UEVLD: variants seen among roughly 807,000 people sequenced by gnomAD.
The protein encoded by UEVLD is UEV and lactate/malate dehyrogenase domains.
In UEVLD, 47 loss-of-function variants were observed where a neutral mutation model predicts 58.6. That is an observed-to-expected ratio of 0.80 (90% CI 0.63 to 1.02). UEVLD has a LOEUF of 1.02. Ranked by LOEUF, UEVLD falls within the 50% of genes least tolerant of loss-of-function variation. UEVLD has a pLI of 0.00. For synonymous variants in UEVLD, 197 were observed against 195.3 expected (o/e 1.01, Z -0.07); for missense variants, 510 against 550.6 (o/e 0.93, Z 0.74).
chr11:18,573,708 T>C (rs1852749982), intron 3 of UEVLD, among the ~76,000 whole-genome samples: 1 of 152,046 alleles, frequency 6.6e-6, no homozygotes, highest in Non-Finnish European at 1.5e-5. Flanking sequence ...TGGTGGGACA[T>C]ACACAGAAGC....
intron 1 of UEVLD, among the ~76,000 whole-genome samples, chr11:18,585,534 A>G (rs1021740062): frequency 6.6e-5 from 10 of 152,264 alleles, no homozygotes; most frequent in African/African-American, 2.4e-4. Flanking sequence ...TTCACTGGTT[A>G]GTCTATTCCA....
chr11:18,570,427 A>AT (rs775082742), intron 3 of UEVLD, 50 bp from the exon 4 acceptor site: 7 of 1,454,682 alleles, frequency 4.8e-6, no homozygotes, highest in Admixed American at 5.4e-5. Flanking sequence ...AAGCACACAC[A>AT]TTATGATATA....
chr11:18,540,024 T>C (rs1850988575), intron 9 of UEVLD, among the ~76,000 whole-genome samples: 2 of 152,248 alleles, frequency 1.3e-5, no homozygotes, highest in South Asian at 2.1e-4. Flanking sequence ...TTTCTATTCA[T>C]CACCATCTTG....
chr11:18,554,790 T>C (rs1851687981), intron 7 of UEVLD, among the ~76,000 whole-genome samples: 1 of 149,978 alleles, frequency 6.7e-6, no homozygotes, highest in Non-Finnish European at 1.5e-5. Context: ...TTCATGCTCA[T>C]ATGTATATAT....
At chr11:18,555,468 G>A (rs1851718779) in intron 7 of UEVLD, among the ~76,000 whole-genome samples, 1 of 151,654 alleles carries the variant, frequency 6.6e-6, no homozygotes, top group Non-Finnish European at 1.5e-5. Context: ...CATGCCTGTG[G>A]TCCCAGCTAC....
In UEVLD at chr11:18,535,754, C is replaced by T. The variant is rs576498599; in HGVS notation, c.1124+652G>A. ...GCCTGAACATATAATATGGCTTATCCATTCATATTAGACTGATTTCCAGTT... is the reference window on the plus strand; with the variant it reads ...GCCTGAACATATAATATGGCTTATCTATTCATATTAGACTGATTTCCAGTT... On this transcript the variant is annotated intron_variant, in intron 10 of 11. Transcript: ENST00000396197. Among the ~76,000 whole-genome samples the T allele has an allele frequency of 4.6e-5, 7 of 152,184 alleles. No homozygotes were observed. In the East Asian group the frequency reaches 1.3e-3, roughly 29 times the overall value.
At chr11:18,577,102 G>A (rs899386501) in intron 2 of UEVLD, among the ~76,000 whole-genome samples, 8 of 152,288 alleles carry the variant, frequency 5.3e-5, no homozygotes, top group African/African-American at 1.9e-4. Context: ...AGAATTGCTT[G>A]AACCTGGAAG....
At chr11:18,553,332 AAAAAAAGAAAAG>A (rs910087716) in intron 7 of UEVLD, among the ~76,000 whole-genome samples, 4 of 151,964 alleles carry the variant, frequency 2.6e-5, no homozygotes, top group African/African-American at 9.7e-5. Context: ...TCTCAAAAAA[AAAAAAAGAAAAG>A]AAAAAAGAAA....
chr11:18,560,916 C>CA (rs1211856626), intron 6 of UEVLD, among the ~76,000 whole-genome samples: 1 of 151,888 alleles, frequency 6.6e-6, no homozygotes, highest in Non-Finnish European at 1.5e-5. Flanking sequence ...GAGGCTGAGG[C>CA]AGGAGAATCT....
At chr11:18,547,194 A>T in intron 7 of UEVLD, 144 bp from the exon 8 acceptor site, 1 of 809,972 alleles carries the variant, frequency 1.2e-6, no homozygotes, top group Non-Finnish European at 1.9e-6. Flanking sequence ...CCACAAAAGC[A>T]TATAAAATGC....
At position 18,558,314 on chromosome 11, in the gene UEVLD, A is replaced by C. The variant is rs1407811595; in HGVS notation, c.629T>G (p.Leu210Arg). 1 of 1,612,272 alleles carries C rather than the reference A, an allele frequency of 6.2e-7. No homozygotes were observed. The highest frequency in any genetic ancestry group is 1.7e-5 in the Admixed American group (1 of 59,816). ...AISAKGIADR[L>R]VLLDLSEGTK... is the part of the protein sequence containing the mutation. ...CCCTTCTGAGAGGTCTAAGAGGACA[A>C]GCCTGTCTGCAATACCCTGTACAGT... Residue 210 changes from leucine (L) to arginine (R), a missense_variant, in exon 7 of 12, where the codon CTT (leucine) becomes CGT (arginine). Leu to Arg is a moderately radical substitution (Grantham distance 102). Coordinates refer to ENST00000396197, the MANE Select transcript of UEVLD (RefSeq NM_001040697.4).
Position 18,536,472 on chromosome 11 carries a change from A to G in UEVLD, c.1061-3T>C. ...TTCTTGGCCACTCCATGTGAGCACT[A>G]AAATTAGATGAAGAATTAATTATGT... On this transcript the variant is annotated splice_polypyrimidine_tract_variant and splice_region_variant and intron_variant, in intron 9 of 11. Transcript: ENST00000396197. 1.2e-6 allele frequency: 2 copies of G among 1,612,618 alleles called. No homozygotes were observed. The highest frequency in any genetic ancestry group is 1.7e-6 in the Non-Finnish European group (2 of 1,178,754).
chr11:18,588,466 C>T (rs1010571686), intron 1 of UEVLD, 147 bp downstream of exon 1: 4 of 899,948 alleles, frequency 4.4e-6, no homozygotes, highest in African/African-American at 3.4e-5. Context: ...CCTGGGGCCG[C>T]GCCCCATAGC....
rs34857682 is a variant in UEVLD at position 18,554,392 on chromosome 11, ATT to A, written c.715+3834_715+3835del. 4.3e-4 allele frequency among the ~76,000 whole-genome samples: 46 copies of A among 107,534 alleles called. 1 individual carries two copies. The highest frequency in any genetic ancestry group is 2.2e-3 in the Admixed American group (20 of 8,972). 70.5% of individuals were successfully genotyped at this position (107,534 alleles called of 152,430 possible). ...CAGGCGTGAGCCACTGTGCCTGGCC[ATT>A]TTTTTTTTTTTTTTTTTTGAGACAG... On this transcript the variant is annotated intron_variant, in intron 7 of 11. Coordinates refer to ENST00000396197, the MANE Select transcript of UEVLD (RefSeq NM_001040697.4).
chr11:18,563,580 G>T, intron 6 of UEVLD: 1 of 742,430 alleles, frequency 1.3e-6, no homozygotes, highest in Non-Finnish European at 1.6e-6. Context: ...AACAGAACAT[G>T]ACCCTGTCTA....
At position 18,532,244 on chromosome 11, in the gene UEVLD, C is replaced by G; in HGVS notation, c.*76G>C. 1 of 1,353,634 alleles carries G rather than the reference C, an allele frequency of 7.4e-7. No homozygotes were observed. Among genetic ancestry groups the G allele is most frequent in the South Asian group, 1.8e-5 (1 of 54,928 alleles). 83.9% of individuals were successfully genotyped at this position (1,353,634 alleles called of 1,614,324 possible). A position where few individuals can be genotyped will look rare whatever the true frequency, so the allele number is the denominator to read the frequency against. On this transcript the variant is annotated 3_prime_UTR_variant, in exon 12 of 12. Coordinates refer to ENST00000396197, the MANE Select transcript of UEVLD (RefSeq NM_001040697.4). ...GTAAGTAGCAGGATACAGAAATCCT[C>G]AAACCTATATATAGGTAAAATTAAA...
intron 1 of UEVLD, among the ~76,000 whole-genome samples, chr11:18,579,958 G>A (rs1463457176): frequency 2.6e-5 from 4 of 150,974 alleles, no homozygotes; most frequent in Admixed American, 1.3e-4. Context: ...CCTTGTTCAC[G>A]GACTTGAAGA....
chr11:18,564,006 A>T, intron 6 of UEVLD: 1 of 155,392 alleles, frequency 6.4e-6, no homozygotes, highest in Admixed American at 8.1e-5. Context: ...CTCCACCTAA[A>T]AAAAAAAAAA....
chr11:18,547,190 A>C, intron 7 of UEVLD, 140 bp from the exon 8 acceptor site: 1 of 810,520 alleles, frequency 1.2e-6, no homozygotes, highest in Non-Finnish European at 1.9e-6. Flanking sequence ...AGATCCACAA[A>C]AGCATATAAA....
Sources: gnomAD v4.1 joint callset for allele counts (sites outside exome capture counted in the v4.1 genomes callset) on GRCh38, gnomAD v4.1.1 for gene constraint, MANE v1.5 for transcripts, NCBI Gene and HGNC (gene_info 2026-07-23, HGNC 2026-07-21) for gene names.